The following KLHDC7A variants were observed in gnomAD, a reference collection of about 807,000 sequenced individuals.
KLHDC7A encodes the protein kelch domain-containing protein 7A.
For missense variants in KLHDC7A, 1,123 were observed against 1,052.6 expected, an observed-to-expected ratio of 1.07 and a Z score of -0.93; for synonymous variants, 464 against 461.0, an observed-to-expected ratio of 1.01 and a Z score of -0.08.
rs747822916 is a variant in KLHDC7A, at chr1:18,483,212, G to A, written c.2231G>A (p.Arg744Lys). The A allele has an allele frequency of 1.2e-6, 2 of 1,614,058 alleles. No homozygotes were observed. Among genetic ancestry groups the A allele is most frequent in the South Asian group, 1.1e-5 (1 of 91,086 alleles). Reference sequence around the variant, plus strand: ...TTCCTAGCAGACTCTGTCTCACCCAGGTTTGTGCCCAAGGAGCTGCGGAGT... The same window carrying A: ...TTCCTAGCAGACTCTGTCTCACCCAAGTTTGTGCCCAAGGAGCTGCGGAGT... ...LCFLADSVSP[R>K]FVPKELRSFP... The change falls in exon 1 of 1, where the codon AGG becomes AAG. Residue 744 changes from arginine to lysine, a missense_variant. Arg to Lys is a conservative substitution (Grantham distance 26). Coordinates refer to ENST00000400664, the MANE Select transcript of KLHDC7A (RefSeq NM_152375.3).
Position 18,482,014 on chromosome 1 carries a change from A to G in KLHDC7A, c.1033A>G (p.Arg345Gly), listed in dbSNP as rs2086894657. Residue 345 changes from arginine (R) to glycine (G), a missense_variant, in exon 1 of 1, where the codon AGA becomes GGA. Physicochemically the swap from Arg to Gly is moderately radical, Grantham distance 125. Transcript: ENST00000400664. ...CGGTGACACAAAGGGTGCAGCCGAA[A>G]GAGCCGCCTCCCCGCAGACAGGGCC... ...QAGDTKGAAE[R>G]AASPQTGPWP... 1.2e-6 allele frequency: 2 copies of G among 1,612,876 alleles called. No homozygotes were observed. Among genetic ancestry groups the G allele is most frequent in the East Asian group, 4.5e-5 (2 of 44,860 alleles).
rs199774980 is a variant in KLHDC7A at position 18,482,065 on chromosome 1, C to A, written c.1084C>A (p.Arg362=). The A allele has an allele frequency of 1.5e-5, 24 of 1,612,716 alleles. No homozygotes were observed. Among genetic ancestry groups the A allele is most frequent in the Non-Finnish European group, 2.0e-5 (24 of 1,179,858 alleles). The change falls in exon 1 of 1, where the codon CGG becomes AGG. Residue 362 remains arginine (R), a synonymous_variant. Transcript: ENST00000400664. ...GPWPSTRGFS[R]KESLLQIAEN... ...GTGGCCCTCCACCCGAGGCTTCAGCCGGAAGGAGAGCCTTCTGCAGATAGC... is the reference window on the plus strand; with the variant it reads ...GTGGCCCTCCACCCGAGGCTTCAGCAGGAAGGAGAGCCTTCTGCAGATAGC...
Position 18,484,183 on chromosome 1 carries a change from C to G in KLHDC7A, c.*868C>G, listed in dbSNP as rs79247145. 10,789 of 501,426 alleles carry G rather than the reference C, an allele frequency of 0.022. 173 individuals are homozygous for G. Among genetic ancestry groups the G allele is most frequent in the Non-Finnish European group, 0.031 (8,560 of 275,406 alleles). The allele number at this position is 501,426 out of a possible 1,614,324, so 31.1% of individuals were successfully genotyped here. On this transcript the variant is annotated 3_prime_UTR_variant, in exon 1 of 1. Transcript: ENST00000400664. ...CCTGTCTGGAAGCTGGGGCAACCAC[C>G]ACCAGTCAGCACTTCAGGGTGACAG...
chr1:18,481,524 C>A lies in KLHDC7A; in HGVS notation c.543C>A (p.Ala181=). The A allele has an allele frequency of 6.2e-7, 1 of 1,613,312 alleles. No individual in the cohort carries two copies. Among genetic ancestry groups the A allele is most frequent in the Non-Finnish European group, 8.5e-7 (1 of 1,180,010 alleles). ...TTGCAGCAGCCGACGGCAGCTGTGC[C>A]GGTGGTGAGCCTTCTCCATGGCAGG... ...GLIAAADGSC[A]GGEPSPWQDS... The change falls in exon 1 of 1, where the codon GCC becomes GCA. Residue 181 remains alanine (A), a synonymous_variant. Transcript: ENST00000400664.
chr1:18,482,067 G>A lies in KLHDC7A; in HGVS notation c.1086G>A (p.Arg362=). The A allele has an allele frequency of 6.2e-7, 1 of 1,612,744 alleles. No homozygotes were observed. Among genetic ancestry groups the A allele is most frequent in the Non-Finnish European group, 8.5e-7 (1 of 1,179,868 alleles). Residue 362 remains arginine (R), a synonymous_variant, in exon 1 of 1, where the codon CGG becomes CGA. Coordinates refer to ENST00000400664, the MANE Select transcript of KLHDC7A (RefSeq NM_152375.3). The part of the protein sequence containing the change: ...GPWPSTRGFS[R]KESLLQIAEN... ...GGCCCTCCACCCGAGGCTTCAGCCGGAAGGAGAGCCTTCTGCAGATAGCGG... is the reference window on the plus strand; with the variant it reads ...GGCCCTCCACCCGAGGCTTCAGCCGAAAGGAGAGCCTTCTGCAGATAGCGG...
chr1:18,481,438 C>G lies in KLHDC7A; in HGVS notation c.457C>G (p.Pro153Ala). The change falls in exon 1 of 1, where the codon CCT becomes GCT. Residue 153 changes from proline (P) to alanine (A), a missense_variant. Transcript: ENST00000400664. ...AACCAGAACAGCTGTTGGCAGTAAC[C>G]CTGACCCTCCCCATTTCCCCCGCTT... ...QETRTAVGSN[P>A]DPPHFPRLGS... is the part of the protein sequence containing the mutation. 1 of 1,613,838 alleles carries G rather than the reference C, an allele frequency of 6.2e-7. No individual in the cohort carries two copies. Among genetic ancestry groups the G allele is most frequent in the East Asian group, 2.2e-5 (1 of 44,858 alleles).
chr1:18,482,436 G>A lies in KLHDC7A; in HGVS notation c.1455G>A (p.Gln485=), dbSNP rs752163466. Residue 485 remains glutamine (Q), a synonymous_variant, in exon 1 of 1, where the codon CAG becomes CAA. Transcript: ENST00000400664. ...GGGCAGAGCGCGAGCTGATCCTGCA[G>A]CGCCGGCTCCGGGGCCGCCAGTACC... ...LSGAERELIL[Q]RRLRGRQYLV... The A allele has an allele frequency of 1.4e-5, 22 of 1,609,772 alleles. No individual in the cohort carries two copies. The highest frequency in any genetic ancestry group is 1.8e-5 in the Non-Finnish European group (21 of 1,179,860).
In KLHDC7A at chr1:18,481,713, T is replaced by C. The variant is rs886564460; in HGVS notation, c.732T>C (p.Asp244=). 6.2e-7 allele frequency: 1 copy of C among 1,613,994 alleles called. No homozygotes were observed. The highest frequency in any genetic ancestry group is 1.3e-5 in the African/African-American group (1 of 74,938). ...EEAGALEAAS[D]VDLTLHQQEG... The stretch of plus-strand genomic sequence containing the variant: ...CTGGGGCTCTCGAGGCTGCCTCCGA[T>C]GTTGACCTGACCCTGCATCAGCAGG... The change falls in exon 1 of 1, where the codon GAT becomes GAC. Residue 244 remains aspartate, a synonymous_variant. Coordinates refer to ENST00000400664, the MANE Select transcript of KLHDC7A (RefSeq NM_152375.3).
At position 18,481,692 on chromosome 1, in the gene KLHDC7A, G is replaced by A; in HGVS notation, c.711G>A (p.Gly237=). 1 of 1,614,108 alleles carries A rather than the reference G, an allele frequency of 6.2e-7. No individual in the cohort carries two copies. ...RVIGVSREEA[G]ALEAASDVDL... ...TAGGGGTCAGCAGAGAAGAGGCTGGGGCTCTCGAGGCTGCCTCCGATGTTG... is the reference window on the plus strand; with the variant it reads ...TAGGGGTCAGCAGAGAAGAGGCTGGAGCTCTCGAGGCTGCCTCCGATGTTG... The change falls in exon 1 of 1, where the codon GGG becomes GGA. Residue 237 remains glycine, a synonymous_variant. Coordinates refer to ENST00000400664, the MANE Select transcript of KLHDC7A (RefSeq NM_152375.3).
rs778840507 is a variant in KLHDC7A at position 18,482,050 on chromosome 1, A to T, written c.1069A>T (p.Thr357Ser). 1 of 1,612,646 alleles carries T rather than the reference A, an allele frequency of 6.2e-7. No homozygotes were observed. The highest frequency in any genetic ancestry group is 8.5e-7 in the Non-Finnish European group (1 of 1,179,838). The change falls in exon 1 of 1, where the codon ACC (threonine) becomes TCC (serine). Residue 357 changes from threonine to serine, a missense_variant. Thr to Ser is a moderately conservative substitution (Grantham distance 58). Coordinates refer to ENST00000400664, the MANE Select transcript of KLHDC7A (RefSeq NM_152375.3). ...CCCGCAGACAGGGCCGTGGCCCTCCACCCGAGGCTTCAGCCGGAAGGAGAG... is the reference window on the plus strand; with the variant it reads ...CCCGCAGACAGGGCCGTGGCCCTCCTCCCGAGGCTTCAGCCGGAAGGAGAG... ...ASPQTGPWPSTRGFSRKESLL... is the reference protein window; with the variant it reads ...ASPQTGPWPSSRGFSRKESLL...
At position 18,482,974 on chromosome 1, in the gene KLHDC7A, A is replaced by T. The variant is rs771718010; in HGVS notation, c.1993A>T (p.Ser665Cys). 6.2e-7 allele frequency: 1 copy of T among 1,612,842 alleles called. No individual in the cohort carries two copies. The highest frequency in any genetic ancestry group is 1.1e-5 in the South Asian group (1 of 91,066). Residue 665 changes from serine to cysteine, a missense_variant, in exon 1 of 1, where the codon AGC becomes TGC. By Grantham distance (112) the Ser-to-Cys change is moderately radical. Transcript: ENST00000400664. The stretch of plus-strand genomic sequence containing the variant: ...CTGGTGGGCCGGCCCCACCGGGGGC[A>T]GCAAGGACCGCACGGCCGAGATGGT... Reference protein sequence around the residue: ...QRWWAGPTGGSKDRTAEMVAV... With the variant: ...QRWWAGPTGGCKDRTAEMVAV...
chr1:18,483,038 G>T lies in KLHDC7A; in HGVS notation c.2057G>T (p.Arg686Leu). 1 of 1,613,526 alleles carries T rather than the reference G, an allele frequency of 6.2e-7. No individual in the cohort carries two copies. Among genetic ancestry groups the T allele is most frequent in the Non-Finnish European group, 8.5e-7 (1 of 1,179,932 alleles). The stretch of plus-strand genomic sequence containing the variant: ...TTTCTCTACCGCTTTGACCTCAACC[G>T]CAGCCTGGGCATCGCCGTGTACCGC... The part of the protein sequence containing the change: ...NGFLYRFDLN[R>L]SLGIAVYRCS... The change falls in exon 1 of 1, where the codon CGC becomes CTC. Residue 686 changes from arginine to leucine, a missense_variant. By Grantham distance (102) the Arg-to-Leu change is moderately radical. Transcript: ENST00000400664.
In KLHDC7A at chr1:18,481,013, G is replaced by T. The variant is rs571941603; in HGVS notation, c.32G>T (p.Trp11Leu). The stretch of plus-strand genomic sequence containing the variant: ...CCCAGAGGAGCAGAGGCCCAGGACT[G>T]GCATTTGGATATGCAGCTGACCGGC... MFPRGAEAQD[W>L]HLDMQLTGKV... is the part of the protein sequence containing the mutation. The change falls in exon 1 of 1, where the codon TGG (tryptophan) becomes TTG (leucine). Residue 11 changes from tryptophan to leucine, a missense_variant. Coordinates refer to ENST00000400664, the MANE Select transcript of KLHDC7A (RefSeq NM_152375.3). 2.5e-6 allele frequency: 4 copies of T among 1,609,578 alleles called. No homozygotes were observed. In the African/African-American group the frequency reaches 5.3e-5, roughly 21 times the overall value.
Position 18,481,698 on chromosome 1 carries a change from C to A in KLHDC7A, c.717C>A (p.Leu239=). Reference sequence around the variant, plus strand: ...TCAGCAGAGAAGAGGCTGGGGCTCTCGAGGCTGCCTCCGATGTTGACCTGA... The same window carrying A: ...TCAGCAGAGAAGAGGCTGGGGCTCTAGAGGCTGCCTCCGATGTTGACCTGA... ...IGVSREEAGA[L]EAASDVDLTL... Residue 239 remains leucine, a synonymous_variant, in exon 1 of 1, where the codon CTC becomes CTA. Transcript: ENST00000400664. 6.2e-7 allele frequency: 1 copy of A among 1,614,056 alleles called. No homozygotes were observed. The highest frequency in any genetic ancestry group is 8.5e-7 in the Non-Finnish European group (1 of 1,180,022).
Position 18,484,619 on chromosome 1 carries a change from T to C in KLHDC7A, c.*1304T>C. 6.0e-6 allele frequency: 1 copy of C among 167,510 alleles called. No homozygotes were observed. Among genetic ancestry groups the C allele is most frequent in the Non-Finnish European group, 1.5e-5 (1 of 68,342 alleles). The allele number at this position is 167,510 out of a possible 1,614,324, so 10.4% of individuals were successfully genotyped here. A position where few individuals can be genotyped will look rare whatever the true frequency, so the allele number is the denominator to read the frequency against. Reference sequence around the variant, plus strand: ...ATGGGAAGGACAATTCATGTCCCTGTCTGCCCTGGGGATAAATGAGAGGAT... The same window carrying C: ...ATGGGAAGGACAATTCATGTCCCTGCCTGCCCTGGGGATAAATGAGAGGAT... On this transcript the variant is annotated 3_prime_UTR_variant, in exon 1 of 1. Coordinates refer to ENST00000400664, the MANE Select transcript of KLHDC7A (RefSeq NM_152375.3).
In KLHDC7A at chr1:18,481,152, G is replaced by T; in HGVS notation, c.171G>T (p.Lys57Asn). 1.9e-6 allele frequency: 3 copies of T among 1,612,908 alleles called. 1 individual carries two copies. The highest frequency in any genetic ancestry group is 2.2e-5 in the East Asian group (1 of 44,870). The change falls in exon 1 of 1, where the codon AAG becomes AAT. Residue 57 changes from lysine to asparagine, a missense_variant. By Grantham distance (94) the Lys-to-Asn change is moderately conservative (BLOSUM62 0). Coordinates refer to ENST00000400664, the MANE Select transcript of KLHDC7A (RefSeq NM_152375.3). The stretch of plus-strand genomic sequence containing the variant: ...GTGGGAATGGCCAGGCAGAAGCCAA[G>T]GAGGAAGCAGAGGGCTCAGGGCAGC... ...RWGGNGQAEA[K>N]EEAEGSGQPA...
Position 18,482,898 on chromosome 1 carries a change from C to T in KLHDC7A, c.1917C>T (p.Thr639=), listed in dbSNP as rs1159705706. The T allele has an allele frequency of 6.2e-7, 1 of 1,609,914 alleles. No homozygotes were observed. The highest frequency in any genetic ancestry group is 1.1e-5 in the South Asian group (1 of 90,794). Residue 639 remains threonine, a synonymous_variant, in exon 1 of 1, where the codon ACC becomes ACT. Coordinates refer to ENST00000400664, the MANE Select transcript of KLHDC7A (RefSeq NM_152375.3). ...ATVRAKEIFV[T]GGSLRFLLFR... ...TGCGTGCCAAGGAAATCTTCGTCAC[C>T]GGCGGCTCGCTGCGCTTCCTGCTGT...
Position 18,482,467 on chromosome 1 carries a change from G to A in KLHDC7A, c.1486G>A (p.Val496Met), listed in dbSNP as rs776906124. 1 of 1,611,164 alleles carries A rather than the reference G, an allele frequency of 6.2e-7. No individual in the cohort carries two copies. The highest frequency in any genetic ancestry group is 8.5e-7 in the Non-Finnish European group (1 of 1,179,862). Residue 496 changes from valine to methionine, a missense_variant, in exon 1 of 1, where the codon GTG becomes ATG. Physicochemically the swap from Val to Met is conservative, Grantham distance 21. Transcript: ENST00000400664. ...RRLRGRQYLV[V>M]ADVCPKEDSG... ...GCTCCGGGGCCGCCAGTACCTGGTGGTGGCTGACGTGTGCCCCAAGGAAGA... is the reference window on the plus strand; with the variant it reads ...GCTCCGGGGCCGCCAGTACCTGGTGATGGCTGACGTGTGCCCCAAGGAAGA...
Position 18,483,810 on chromosome 1 carries a change from G to T in KLHDC7A, c.*495G>T. ...CCCAGAAGCACCGGGACACACAGGT[G>T]GGAAAGATGGAGGCAGGTGACTTGG... On this transcript the variant is annotated 3_prime_UTR_variant, in exon 1 of 1. Transcript: ENST00000400664. The T allele has an allele frequency of 8.2e-7, 1 of 1,218,542 alleles. No homozygotes were observed. Among genetic ancestry groups the T allele is most frequent in the Non-Finnish European group, 1.1e-6 (1 of 950,942 alleles). The allele number at this position is 1,218,542 out of a possible 1,614,324, so 75.5% of individuals were successfully genotyped here.
Sources: allele counts gnomAD v4.1 joint callset, GRCh38; gene constraint gnomAD v4.1.1; transcripts MANE v1.5; gene names NCBI Gene and HGNC (gene_info 2026-07-23, HGNC 2026-07-21).